HYCC1: variants seen among roughly 807,000 people sequenced by gnomAD.
The protein encoded by HYCC1 is hyccin.
chr7:22,904,507 A>G, the HYCC1 span, among the ~76,000 whole-genome samples: 177 of 152,080 alleles, frequency 1.2e-3, no homozygotes, highest in Non-Finnish European at 1.9e-3. Flanking sequence ...CCTGGAAAGC[A>G]AAGTGAAGTA....
chr7:22,993,800 T>G, the HYCC1 span, among the ~76,000 whole-genome samples: 1 of 152,080 alleles, frequency 6.6e-6, no homozygotes, highest in East Asian at 1.9e-4. Flanking sequence ...ACACAGCTAA[T>G]GTGAATGCAA....
the HYCC1 span, among the ~76,000 whole-genome samples, chr7:22,993,496 A>C: frequency 6.6e-6 from 1 of 152,236 alleles, no homozygotes; most frequent in African/African-American, 2.4e-5. Flanking sequence ...TGCAATTCAT[A>C]TACATGGCAA....
chr7:22,956,863 A>G, the HYCC1 span, among the ~76,000 whole-genome samples: 1 of 151,974 alleles, frequency 6.6e-6, no homozygotes, highest in Non-Finnish European at 1.5e-5. Flanking sequence ...ATTGATAACA[A>G]CAGCAAAACC....
At chr7:22,974,438 C>T in the HYCC1 span, among the ~76,000 whole-genome samples, 4 of 152,102 alleles carry the variant, frequency 2.6e-5, no homozygotes. Context: ...ACATTTCTGC[C>T]TTTAAACAAT....
chr7:22,932,347 T>G, the HYCC1 span, among the ~76,000 whole-genome samples: 12 of 151,880 alleles, frequency 7.9e-5, no homozygotes, highest in African/African-American at 2.9e-4. Flanking sequence ...GTAGATGGGG[T>G]CATTATTGCT....
the HYCC1 span, chr7:22,960,506 C>T: frequency 1.9e-6 from 2 of 1,048,632 alleles, no homozygotes; most frequent in South Asian, 2.6e-5. Flanking sequence ...GCTAAACAGG[C>T]TTATACAAAG....
the HYCC1 span, among the ~76,000 whole-genome samples, chr7:22,979,322 T>G: frequency 6.6e-6 from 1 of 152,232 alleles, no homozygotes; most frequent in Non-Finnish European, 1.5e-5. Flanking sequence ...GTCAAACTAG[T>G]CTTTCCTATT....
the HYCC1 span, among the ~76,000 whole-genome samples, chr7:22,916,065 C>T: frequency 6.6e-6 from 1 of 152,122 alleles, no homozygotes; most frequent in Non-Finnish European, 1.5e-5. Context: ...CCCATTAAAA[C>T]CTAATCACCC....
chr7:22,954,715 CATT>C, the HYCC1 span, among the ~76,000 whole-genome samples: 59,092 of 150,930 alleles, frequency 0.39, 11,497 homozygotes, highest in East Asian at 0.5. Context: ...TATTTTGCAT[CATT>C]AAGTTAGAAG....
chr7:23,010,721 C>T, the HYCC1 span, among the ~76,000 whole-genome samples: 3 of 152,140 alleles, frequency 2.0e-5, no homozygotes, highest in South Asian at 2.1e-4. Flanking sequence ...CCCCCCCACA[C>T]CAAATTGGTA....
the HYCC1 span, chr7:22,977,517 G>T: frequency 2.9e-6 from 2 of 693,520 alleles, no homozygotes; most frequent in East Asian, 2.8e-5. Flanking sequence ...TTTTGAAAAA[G>T]ACCTGAATAG....
the HYCC1 span, among the ~76,000 whole-genome samples, chr7:22,914,344 C>G: frequency 6.6e-6 from 1 of 152,216 alleles, no homozygotes; most frequent in African/African-American, 2.4e-5. Context: ...TCTACCCTCT[C>G]TTTTCTCTGG....
chr7:22,995,134 G>T, the HYCC1 span, among the ~76,000 whole-genome samples: 1 of 152,118 alleles, frequency 6.6e-6, no homozygotes, highest in Non-Finnish European at 1.5e-5. Context: ...GGGCTTAGAG[G>T]TAAAGTAGGT....
At chr7:22,933,880 C>T in the HYCC1 span, among the ~76,000 whole-genome samples, 1 of 152,106 alleles carries the variant, frequency 6.6e-6, no homozygotes, top group African/African-American at 2.4e-5. Flanking sequence ...ATTTTTGACA[C>T]AATGTTAGCT....
At chr7:23,002,299 T>C in the HYCC1 span, among the ~76,000 whole-genome samples, 8 of 151,828 alleles carry the variant, frequency 5.3e-5, no homozygotes, top group South Asian at 8.3e-4. Flanking sequence ...GTAAAAGATA[T>C]ACTGTTTTGC....
At chr7:23,004,030 T>C in the HYCC1 span, among the ~76,000 whole-genome samples, 25 of 152,244 alleles carry the variant, frequency 1.6e-4, no homozygotes, top group Non-Finnish European at 3.1e-4. Flanking sequence ...CCATGCTGAT[T>C]CATATTAACT....
the HYCC1 span, among the ~76,000 whole-genome samples, chr7:22,898,816 C>A: frequency 2.0e-5 from 3 of 151,076 alleles, no homozygotes; most frequent in Middle Eastern, 3.5e-3. Flanking sequence ...TTGGCCAGGC[C>A]GGTCTCAAAC....
At chr7:22,902,090 A>G in the HYCC1 span, among the ~76,000 whole-genome samples, 1 of 152,268 alleles carries the variant, frequency 6.6e-6, no homozygotes, top group Admixed American at 6.5e-5. Flanking sequence ...GTCCAACCAC[A>G]ATAGAATTAA....
the HYCC1 span, among the ~76,000 whole-genome samples, chr7:22,913,447 T>G: frequency 6.6e-6 from 1 of 152,276 alleles, no homozygotes; most frequent in East Asian, 1.9e-4. Context: ...CTAGGAGTCA[T>G]ACCCGGCACA....
Sources: gnomAD v4.1 joint callset for allele counts (sites outside exome capture counted in the v4.1 genomes callset) on GRCh38, gnomAD v4.1.1 for gene constraint, MANE v1.5 for transcripts, NCBI Gene and HGNC (gene_info 2026-07-23, HGNC 2026-07-21) for gene names.